OSBPL1A: variants seen among roughly 807,000 people sequenced by gnomAD.
The protein encoded by OSBPL1A is oxysterol-binding protein-related protein 1.
OSBPL1A carries 80 observed loss-of-function variants against 137.1 expected under a neutral mutation model. The ratio of observed to expected loss-of-function variants is 0.58; its 90% CI spans 0.49 to 0.70. The LOEUF is 0.70. Ranked by LOEUF, OSBPL1A falls within the 30% of genes least tolerant of loss-of-function variation. The pLI is 0.00. For synonymous variants in OSBPL1A, 365 were observed against 389.7 expected, an observed-to-expected ratio of 0.94 and a Z score of 0.75; for missense variants, 970 against 1,129.4, an observed-to-expected ratio of 0.86 and a Z score of 2.02.
chr18:24,192,056 T>C (rs986807625), intron 18 of OSBPL1A, among the ~76,000 whole-genome samples: 1 of 152,232 alleles, frequency 6.6e-6, no homozygotes, highest in Non-Finnish European at 1.5e-5. Flanking sequence ...GTATTCCTGA[T>C]GTACCAGACC....
At chr18:24,282,927 A>C (rs7230960) in intron 14 of OSBPL1A, among the ~76,000 whole-genome samples, 14,332 of 152,046 alleles carry the variant, frequency 0.094, 2,252 homozygotes, top group African/African-American at 0.32. Flanking sequence ...TGAGCAAAAA[A>C]GCAAGACTTC....
chr18:24,221,329 A>G (rs2087882424), intron 17 of OSBPL1A, among the ~76,000 whole-genome samples: 1 of 152,214 alleles, frequency 6.6e-6, no homozygotes, highest in Non-Finnish European at 1.5e-5. Flanking sequence ...AAGAACTAGA[A>G]TCTAAAGCAA....
chr18:24,254,440 A>G (rs1264076934), intron 15 of OSBPL1A, among the ~76,000 whole-genome samples: 1 of 152,242 alleles, frequency 6.6e-6, no homozygotes, highest in Non-Finnish European at 1.5e-5. Context: ...GATAGACCAT[A>G]TGTTAGGCCA....
rs183573069 is a variant in OSBPL1A, at chr18:24,269,595, T to C, written c.1281+11247A>G. On this transcript the variant is annotated intron_variant, in intron 15 of 27. Coordinates refer to ENST00000319481, the MANE Select transcript of OSBPL1A (RefSeq NM_080597.4). ...GTCACAGAAAGTAACAGACATCAAA[T>C]CCTCAATGGACCATTATAAAAATGT... is the stretch of plus-strand genomic sequence containing the variant. 2.0e-5 allele frequency among the ~76,000 whole-genome samples: 3 copies of C among 152,194 alleles called. No individual in the cohort carries two copies. The East Asian group carries it at 5.8e-4, about 29-fold the overall frequency.
In OSBPL1A at chr18:24,164,285, G is replaced by A. The variant is rs1042780289; in HGVS notation, c.2750+780C>T. Among the ~76,000 whole-genome samples the A allele has an allele frequency of 7.2e-5, 11 of 152,092 alleles. No homozygotes were observed. The East Asian group carries it at 9.7e-4, about 13-fold the overall frequency. ...CGTGAATAAAACCCACAAGATTATC[G>A]TCTTACACCAGTTAGGATGGCAATT... On this transcript the variant is annotated intron_variant, in intron 27 of 27. Transcript: ENST00000319481.
At chr18:24,388,301 G>A (rs1444570923) in intron 1 of OSBPL1A, among the ~76,000 whole-genome samples, 2 of 152,222 alleles carry the variant, frequency 1.3e-5, no homozygotes, top group Middle Eastern at 3.4e-3. Flanking sequence ...CCCTAGCAAG[G>A]TGCCTAGAAC....
chr18:24,199,383 C>T (rs1386058940), intron 17 of OSBPL1A, among the ~76,000 whole-genome samples: 1 of 151,856 alleles, frequency 6.6e-6, no homozygotes, highest in Non-Finnish European at 1.5e-5. Context: ...GCCCCCAGCT[C>T]CCCCGGCTCC....
chr18:24,207,149 T>A (rs1307443554), intron 17 of OSBPL1A, among the ~76,000 whole-genome samples: 1 of 152,204 alleles, frequency 6.6e-6, no homozygotes, highest in Non-Finnish European at 1.5e-5. Context: ...AGCGGTGCGA[T>A]CTTGGCTCAT....
intron 18 of OSBPL1A, among the ~76,000 whole-genome samples, chr18:24,182,215 T>A (rs2086625319): frequency 6.6e-6 from 1 of 152,166 alleles, no homozygotes; most frequent in African/African-American, 2.4e-5. Flanking sequence ...CCAGAATGCC[T>A]CCATCACAAG....
chr18:24,176,286 C>T (rs1404068702), intron 21 of OSBPL1A, among the ~76,000 whole-genome samples: 2 of 152,140 alleles, frequency 1.3e-5, no homozygotes, highest in African/African-American at 4.8e-5. Context: ...ATTGAGGCTT[C>T]CAAATATATC....
intron 17 of OSBPL1A, among the ~76,000 whole-genome samples, chr18:24,214,696 C>CTG (rs2145972725): frequency 6.6e-6 from 1 of 152,242 alleles, no homozygotes; most frequent in South Asian, 2.1e-4. Context: ...TTTTAATAGG[C>CTG]TGTATGTTAT....
intron 5 of OSBPL1A, 135 bp from the exon 6 acceptor site, chr18:24,334,465 T>C (rs1401774684): frequency 2.5e-5 from 14 of 556,630 alleles, no homozygotes; most frequent in Non-Finnish European, 9.0e-6. Flanking sequence ...AAATTTATTG[T>C]TATTACCTTA....
intron 4 of OSBPL1A, among the ~76,000 whole-genome samples, chr18:24,353,242 C>T (rs1287838742): frequency 6.6e-6 from 1 of 152,058 alleles, no homozygotes; most frequent in African/African-American, 2.4e-5. Flanking sequence ...ACAACCCCAT[C>T]AAAAAGTGGG....
At chr18:24,329,131 C>T (rs2091031722) in intron 7 of OSBPL1A, among the ~76,000 whole-genome samples, 1 of 152,184 alleles carries the variant, frequency 6.6e-6, no homozygotes, top group Admixed American at 6.5e-5. Flanking sequence ...TCTGTGGTCC[C>T]AGCTACGTAG....
At chr18:24,269,884 A>ACACACACACACACACC (rs1243365419) in intron 15 of OSBPL1A, among the ~76,000 whole-genome samples, 2 of 151,198 alleles carry the variant, frequency 1.3e-5, no homozygotes, top group Admixed American at 6.6e-5. Flanking sequence ...ACACACACAC[A>ACACACACACACACACC]CCATGCTAAT....
chr18:24,309,371 A>C (rs558076207), intron 13 of OSBPL1A, among the ~76,000 whole-genome samples: 101 of 152,276 alleles, frequency 6.6e-4, no homozygotes, highest in Non-Finnish European at 9.6e-4. Flanking sequence ...CTTCTAAGAG[A>C]CAGGGACTCA....
chr18:24,205,648 GAA>G (rs770348267), intron 17 of OSBPL1A, among the ~76,000 whole-genome samples: 6 of 152,114 alleles, frequency 3.9e-5, no homozygotes, highest in Non-Finnish European at 8.8e-5. Flanking sequence ...TAATTTCAGG[GAA>G]AATTTTCATC....
chr18:24,266,647 C>T (rs2089582063), intron 15 of OSBPL1A, among the ~76,000 whole-genome samples: 1 of 152,140 alleles, frequency 6.6e-6, no homozygotes, highest in South Asian at 2.1e-4. Context: ...TCATCCAAAC[C>T]TTCTGTACCT....
At position 24,362,616 on chromosome 18, in the gene OSBPL1A, C is replaced by G. The variant is rs115435813; in HGVS notation, c.282+4276G>C. ...CATAAAGCTTCCAATCACGTGCTTA[C>G]GAAATAACCTTTAGGTATCATGTTG... On this transcript the variant is annotated intron_variant, in intron 4 of 27. Coordinates refer to ENST00000319481, the MANE Select transcript of OSBPL1A (RefSeq NM_080597.4). 6.4e-3 allele frequency among the ~76,000 whole-genome samples: 977 copies of G among 152,222 alleles called. 9 individuals carry two copies. The highest frequency in any genetic ancestry group is 0.022 in the African/African-American group (932 of 41,536).
Sources: gnomAD v4.1 joint callset for allele counts (sites outside exome capture counted in the v4.1 genomes callset) on GRCh38, gnomAD v4.1.1 for gene constraint, MANE v1.5 for transcripts, NCBI Gene and HGNC (gene_info 2026-07-23, HGNC 2026-07-21) for gene names.